MBD2: variants seen among roughly 807,000 people sequenced by gnomAD.
The protein encoded by MBD2 is methyl-CpG-binding domain protein 2.
A neutral mutation model predicts 39.3 loss-of-function variants in MBD2; 9 were observed. The ratio of observed to expected loss-of-function variants is 0.23; its 90% CI spans 0.14 to 0.40. The LOEUF (loss-of-function observed/expected upper bound fraction) is 0.40, where lower values mean the gene tolerates loss of function less well. MBD2 is among the 10% of genes least tolerant of loss of function. The pLI, the probability that MBD2 is intolerant of heterozygous loss-of-function variation, is 1.00. For synonymous variants in MBD2, 233 were observed against 211.1 expected (o/e 1.10, Z -0.90); for missense variants, 458 against 532.6 (o/e 0.86, Z 1.38).
rs971755325 is a variant in MBD2, at chr18:54,152,601, A to T, written c.*2723T>A. 4 of 152,256 alleles carry T rather than the reference A, an allele frequency of 2.6e-5. No individual in the cohort carries two copies. The highest frequency in any genetic ancestry group is 4.4e-5 in the Non-Finnish European group (3 of 68,048). 9.4% of individuals were successfully genotyped at this position (152,256 alleles called of 1,614,324 possible). On this transcript the variant is annotated 3_prime_UTR_variant, in exon 7 of 7. Coordinates refer to ENST00000256429, the MANE Select transcript of MBD2 (RefSeq NM_003927.5). ...AATAAATAAAATACAGACTTAGAAA[A>T]TGTCTACAAAAGAAATAGGGTGCTG...
At chr18:54,191,380 G>T (rs1217984938) in intron 2 of MBD2, among the ~76,000 whole-genome samples, 1 of 152,232 alleles carries the variant, frequency 6.6e-6, no homozygotes, top group African/African-American at 2.4e-5. Context: ...CTAACCCAGA[G>T]ATGAGTGTTC....
At chr18:54,184,345 A>C (rs1169997544) in intron 3 of MBD2, among the ~76,000 whole-genome samples, 1 of 152,046 alleles carries the variant, frequency 6.6e-6, no homozygotes, top group Non-Finnish European at 1.5e-5. Flanking sequence ...CATGTGAGGA[A>C]TCTAGGTTGC....
chr18:54,202,935 G>T, intron 2 of MBD2: 1 of 1,012,344 alleles, frequency 9.9e-7, no homozygotes, highest in Non-Finnish European at 1.6e-6. Context: ...AGTATGCAGG[G>T]CAGGCTTCCC....
intron 1 of MBD2, among the ~76,000 whole-genome samples, chr18:54,221,172 T>A (rs1228909101): frequency 6.6e-6 from 1 of 152,190 alleles, no homozygotes; most frequent in Non-Finnish European, 1.5e-5. Flanking sequence ...ATTGATCATA[T>A]CGGGGCCGGG....
chr18:54,187,701 G>A (rs888723761), intron 3 of MBD2: 4 of 985,776 alleles, frequency 4.1e-6, no homozygotes, highest in Non-Finnish European at 4.8e-6. Context: ...TATGTTGGAT[G>A]TGATACACTT....
At position 54,187,218 on chromosome 18, in the gene MBD2, A is replaced by C. The variant is rs555186867; in HGVS notation, c.840+1656T>G. On this transcript the variant is annotated intron_variant, in intron 3 of 6. Transcript: ENST00000256429. ...CATTGAGAATGATTTGGCAAAGAAA[A>C]GATGAGGATAAAATCTATTAAATAC... Among the ~76,000 whole-genome samples the C allele has an allele frequency of 5.9e-5, 9 of 152,356 alleles. No individual in the cohort carries two copies. In the South Asian group the frequency reaches 1.9e-3, roughly 32 times the overall value.
intron 1 of MBD2, among the ~76,000 whole-genome samples, chr18:54,217,356 T>C (rs2086570230): frequency 6.6e-6 from 1 of 152,214 alleles, no homozygotes; most frequent in Non-Finnish European, 1.5e-5. Context: ...ATTTTTATTC[T>C]CCTTCCTTGG....
At chr18:54,209,729 T>A (rs1041993092) in intron 1 of MBD2, among the ~76,000 whole-genome samples, 4 of 152,162 alleles carry the variant, frequency 2.6e-5, no homozygotes, top group Admixed American at 2.6e-4. Flanking sequence ...AATGATTAAG[T>A]AGGAATTCTG....
chr18:54,172,503 A>AATTAAT (rs2086185335), intron 3 of MBD2, among the ~76,000 whole-genome samples: 1 of 152,206 alleles, frequency 6.6e-6, no homozygotes, highest in Non-Finnish European at 1.5e-5. Flanking sequence ...TCTTAAGAAT[A>AATTAAT]CTGTTTCAGA....
chr18:54,176,282 CAT>C, intron 3 of MBD2, among the ~76,000 whole-genome samples: 1 of 152,342 alleles, frequency 6.6e-6, no homozygotes, highest in South Asian at 2.1e-4. Context: ...AAACTCTTTG[CAT>C]ATATTTTCAC....
At chr18:54,181,420 C>T (rs2086251164) in intron 3 of MBD2, among the ~76,000 whole-genome samples, 1 of 152,160 alleles carries the variant, frequency 6.6e-6, no homozygotes, top group South Asian at 2.1e-4. Context: ...ATATTTCTGT[C>T]AAAGATATCA....
In MBD2 at chr18:54,157,399, T is replaced by A. The variant is rs112410097; in HGVS notation, c.*13-2088A>T. ...CCTCAGCCTCTCAAGTAGTTGGGAT[T>A]ACAGGTGCCCGCCACCATGCCCAGC... On this transcript the variant is annotated intron_variant, in intron 6 of 6. Coordinates refer to ENST00000256429, the MANE Select transcript of MBD2 (RefSeq NM_003927.5). Among the ~76,000 whole-genome samples the A allele has an allele frequency of 4.3e-3, 648 of 152,184 alleles. 6 individuals are homozygous for A. Among genetic ancestry groups the A allele is most frequent in the South Asian group, 0.013 (65 of 4,818 alleles).
intron 2 of MBD2, among the ~76,000 whole-genome samples, chr18:54,198,682 C>A (rs748731192): frequency 6.6e-6 from 1 of 152,154 alleles, no homozygotes; most frequent in East Asian, 1.9e-4. Context: ...CTGCACTTCC[C>A]CCTGGGTGAG....
intron 2 of MBD2, among the ~76,000 whole-genome samples, chr18:54,190,900 A>C (rs1388648474): frequency 6.6e-6 from 1 of 152,210 alleles, no homozygotes; most frequent in African/African-American, 2.4e-5. Context: ...CAGTGAGGTC[A>C]AAATGTGGCA....
At chr18:54,214,717 C>T (rs2086541246) in intron 1 of MBD2, among the ~76,000 whole-genome samples, 1 of 151,654 alleles carries the variant, frequency 6.6e-6, no homozygotes. Flanking sequence ...AAAAAATTTC[C>T]ACGAGGTAGA....
intron 1 of MBD2, among the ~76,000 whole-genome samples, chr18:54,220,986 A>C (rs972965893): frequency 6.6e-6 from 1 of 152,218 alleles, no homozygotes; most frequent in Non-Finnish European, 1.5e-5. Context: ...TTTGGCCCTG[A>C]ATGAAACAGG....
intron 1 of MBD2, among the ~76,000 whole-genome samples, chr18:54,220,886 G>C (rs4939751): frequency 6.6e-6 from 1 of 151,966 alleles, no homozygotes; most frequent in Non-Finnish European, 1.5e-5. Flanking sequence ...AGAATGTAAC[G>C]TTTCAGAAGA....
chr18:54,202,687 C>T (rs543091787), intron 2 of MBD2: 545 of 1,114,030 alleles, frequency 4.9e-4, no homozygotes, highest in Non-Finnish European at 5.6e-4. Context: ...AAATAATGTA[C>T]GGTATAATTT....
rs568978972 is a variant in MBD2 at position 54,204,118 on chromosome 18, G to A, written c.702+880C>T. On this transcript the variant is annotated intron_variant, in intron 2 of 6. Coordinates refer to ENST00000256429, the MANE Select transcript of MBD2 (RefSeq NM_003927.5). Reference sequence around the variant, plus strand: ...TCCTAAAATGAACACACACTCCCAAGGGACTTATGGGGTTACATCAGTCAC... The same window carrying A: ...TCCTAAAATGAACACACACTCCCAAAGGACTTATGGGGTTACATCAGTCAC... Among the ~76,000 whole-genome samples, 20 of 152,218 alleles carry A rather than the reference G, an allele frequency of 1.3e-4. No homozygotes were observed. In the South Asian group the frequency reaches 3.9e-3, roughly 30 times the overall value.
Sources: gnomAD v4.1 joint callset for allele counts (sites outside exome capture counted in the v4.1 genomes callset) on GRCh38, gnomAD v4.1.1 for gene constraint, MANE v1.5 for transcripts, NCBI Gene and HGNC (gene_info 2026-07-23, HGNC 2026-07-21) for gene names.